The following SOX5 variants were observed in gnomAD, a reference collection of about 807,000 sequenced individuals.
SOX5 encodes transcription factor SOX-5.
In SOX5, 9 loss-of-function variants were observed where a neutral mutation model predicts 92.0. The observed-to-expected ratio is 0.10, with a 90% CI of 0.06 to 0.17. SOX5 has a LOEUF of 0.17. SOX5 is among the 10% of genes least tolerant of loss of function. The pLI is 1.00. For synonymous variants in SOX5, 344 were observed against 336.3 expected (o/e 1.02, Z -0.25); for missense variants, 642 against 944.5 (o/e 0.68, Z 4.20).
At chr12:24,501,605 T>A (rs1354976113) in intron 1 of SOX5, among the ~76,000 whole-genome samples, 1 of 152,082 alleles carries the variant, frequency 6.6e-6, no homozygotes, top group African/African-American at 2.4e-5. Context: ...GTGAGCGGAT[T>A]GCTTGAGGTC....
At chr12:23,970,900 C>G (rs1008490602) in intron 4 of SOX5, among the ~76,000 whole-genome samples, 1 of 127,438 alleles carries the variant, frequency 7.8e-6, no homozygotes, top group Non-Finnish European at 1.6e-5. Flanking sequence ...AACAATCCTT[C>G]CACCTCAGCC....
At chr12:23,546,229 G>C in intron 12 of SOX5, 87 bp downstream of exon 12, 1 of 749,556 alleles carries the variant, frequency 1.3e-6, no homozygotes, top group East Asian at 2.5e-5. Context: ...TGAGGTGGCT[G>C]TCTAGTCTAT....
At chr12:24,519,700 G>C (rs575504963) in intron 1 of SOX5, among the ~76,000 whole-genome samples, 1 of 152,256 alleles carries the variant, frequency 6.6e-6, no homozygotes, top group South Asian at 2.1e-4. Context: ...AGGCCTTGTA[G>C]GCCACTGTAT....
intron 2 of SOX5, among the ~76,000 whole-genome samples, chr12:23,858,126 G>GT (rs1316684375): frequency 6.6e-6 from 1 of 150,880 alleles, no homozygotes; most frequent in Admixed American, 6.6e-5. Flanking sequence ...GCACTTTGTT[G>GT]TTTTTTTGTT....
intron 3 of SOX5, among the ~76,000 whole-genome samples, chr12:24,272,752 T>C (rs1156626680): frequency 2.0e-5 from 3 of 152,232 alleles, no homozygotes; most frequent in Non-Finnish European, 4.4e-5. Context: ...TTTTGTTTTA[T>C]ATATTGCCAA....
intron 3 of SOX5, among the ~76,000 whole-genome samples, chr12:23,823,098 C>G (rs11047117): frequency 0.29 from 44,720 of 151,974 alleles, 7,161 homozygotes; most frequent in East Asian, 0.51. Flanking sequence ...TTTAATTGGG[C>G]CATTTAGCCC....
At chr12:24,163,138 C>T (rs1445806528) in intron 4 of SOX5, among the ~76,000 whole-genome samples, 5 of 152,028 alleles carry the variant, frequency 3.3e-5, no homozygotes, top group Admixed American at 6.6e-5. Flanking sequence ...GAAGGATAGT[C>T]CTGGAAGGCT....
At chr12:24,446,238 G>A (rs1232284351) in intron 1 of SOX5, among the ~76,000 whole-genome samples, 1 of 151,592 alleles carries the variant, frequency 6.6e-6, no homozygotes, top group African/African-American at 2.4e-5. Context: ...GATGATGATT[G>A]CTATAAAGAA....
At chr12:23,895,643 A>G in intron 2 of SOX5, 150 bp downstream of exon 2, 1 of 627,462 alleles carries the variant, frequency 1.6e-6, no homozygotes, top group South Asian at 2.2e-5. Flanking sequence ...ATTGGAACAA[A>G]TTTAAAGAAT....
chr12:24,426,735 C>T (rs888406375), intron 1 of SOX5, among the ~76,000 whole-genome samples: 4 of 152,134 alleles, frequency 2.6e-5, no homozygotes, highest in South Asian at 2.1e-4. Context: ...ACACAGAAAG[C>T]GTCCAGGACA....
At chr12:24,140,778 T>C (rs1950515792) in intron 4 of SOX5, among the ~76,000 whole-genome samples, 2 of 152,160 alleles carry the variant, frequency 1.3e-5, no homozygotes, top group African/African-American at 2.4e-5. Context: ...TCAGAATAAC[T>C]ATTCTACTTT....
intron 1 of SOX5, among the ~76,000 whole-genome samples, chr12:23,925,069 C>T (rs1939568631): frequency 6.6e-6 from 1 of 151,802 alleles, no homozygotes; most frequent in Non-Finnish European, 1.5e-5. Flanking sequence ...ATCATGCCAA[C>T]AAATTATCAC....
At chr12:23,562,159 G>A (rs777655358) in intron 11 of SOX5, among the ~76,000 whole-genome samples, 16 of 152,034 alleles carry the variant, frequency 1.1e-4, no homozygotes, top group Admixed American at 7.2e-4. Flanking sequence ...AATGTCATAC[G>A]TCTTATGTTG....
intron 4 of SOX5, among the ~76,000 whole-genome samples, chr12:24,150,617 C>T (rs958977279): frequency 1.3e-5 from 2 of 151,640 alleles, no homozygotes; most frequent in Non-Finnish European, 2.9e-5. Context: ...AAGGCAAGCG[C>T]AAAGGAAGAA....
At chr12:23,917,506 T>C (rs962371954) in intron 1 of SOX5, among the ~76,000 whole-genome samples, 1 of 152,044 alleles carries the variant, frequency 6.6e-6, no homozygotes, top group East Asian at 1.9e-4. Flanking sequence ...CAAGCTAAGA[T>C]TGCACCACTG....
At chr12:24,064,267 C>T (rs1386293813) in intron 4 of SOX5, among the ~76,000 whole-genome samples, 1 of 152,188 alleles carries the variant, frequency 6.6e-6, no homozygotes, top group Non-Finnish European at 1.5e-5. Context: ...TGGCTAGATT[C>T]ATTTAAAATG....
At chr12:24,160,363 G>A (rs1273103692) in intron 4 of SOX5, among the ~76,000 whole-genome samples, 1 of 151,998 alleles carries the variant, frequency 6.6e-6, no homozygotes, top group African/African-American at 2.4e-5. Context: ...ACTAAAAGAA[G>A]AATGGCCTAG....
chr12:23,964,557 A>G (rs1029571387), intron 4 of SOX5, among the ~76,000 whole-genome samples: 1 of 152,196 alleles, frequency 6.6e-6, no homozygotes, highest in South Asian at 2.1e-4. Context: ...TTAATATAAT[A>G]TCGTCCTAGA....
At chr12:24,436,117 G>A (rs2137114434) in intron 1 of SOX5, among the ~76,000 whole-genome samples, 1 of 152,138 alleles carries the variant, frequency 6.6e-6, no homozygotes, top group South Asian at 2.1e-4. Flanking sequence ...CAACAATATT[G>A]AAGTTAGGCC....
Sources: allele counts gnomAD v4.1 joint callset (sites outside exome capture counted in the v4.1 genomes callset), GRCh38; gene constraint gnomAD v4.1.1; transcripts MANE v1.5; gene names NCBI Gene and HGNC (gene_info 2026-07-23, HGNC 2026-07-21).